Variants in INTS6 observed in about 807,000 individuals in gnomAD.
INTS6 encodes integrator complex subunit 6.
INTS6 carries 16 observed loss-of-function variants against 104.9 expected under a neutral mutation model. The observed-to-expected ratio is 0.15, with a 90% CI of 0.10 to 0.23. The LOEUF (loss-of-function observed/expected upper bound fraction) is 0.23, where lower values mean the gene tolerates loss of function less well. Among genes scored for constraint, INTS6 ranks in the 10% least tolerant of loss-of-function variants. The pLI is 1.00. For synonymous variants in INTS6, 324 were observed against 358.7 expected, an observed-to-expected ratio of 0.90 and a Z score of 1.09; for missense variants, 584 against 1,062.8, an observed-to-expected ratio of 0.55 and a Z score of 6.26.
At chr13:51,433,275 G>A (rs548998817) in intron 3 of INTS6, among the ~76,000 whole-genome samples, 54 of 152,142 alleles carry the variant, frequency 3.5e-4, no homozygotes, top group East Asian at 1.9e-4. Context: ...GAAAAACCTC[G>A]TCTCCATGAA....
the INTS6 span, among the ~76,000 whole-genome samples, chr13:51,342,054 G>A: frequency 6.6e-6 from 1 of 152,076 alleles, no homozygotes; most frequent in Admixed American, 6.5e-5. Flanking sequence ...CTCTGCTTAC[G>A]CTCAGTGCCT....
Position 51,452,587 on chromosome 13 carries a change from G to C in INTS6, c.-62C>G, listed in dbSNP as rs1143539. ...AGAAAGAGGAGATGGTAGAGGTGGA[G>C]GCGCCGGTGGCGGCGACCGCCGCTA... On this transcript the variant is annotated 5_prime_UTR_variant, in exon 1 of 18. Coordinates refer to ENST00000311234, the MANE Select transcript of INTS6 (RefSeq NM_012141.3). This position sits in a 1 kb window ranked among gnomAD's most constrained non-coding sequence, Gnocchi z 4.2. 6 of 1,567,536 alleles carry C rather than the reference G, an allele frequency of 3.8e-6. No individual in the cohort carries two copies. Among genetic ancestry groups the C allele is most frequent in the Non-Finnish European group, 5.2e-6 (6 of 1,153,176 alleles).
chr13:51,380,536 T>C (rs1241208654), intron 10 of INTS6, among the ~76,000 whole-genome samples: 1 of 152,188 alleles, frequency 6.6e-6, no homozygotes. Flanking sequence ...TTTTTTGTCC[T>C]TCTACTTGCC....
chr13:51,378,843 T>C (rs1411921192), intron 11 of INTS6, among the ~76,000 whole-genome samples: 23 of 152,068 alleles, frequency 1.5e-4, no homozygotes, highest in Admixed American at 1.4e-3. Context: ...AGCACATCAA[T>C]ATGGCAAATA....
At chr13:51,410,905 A>T (rs952122685) in intron 4 of INTS6, among the ~76,000 whole-genome samples, 2 of 152,150 alleles carry the variant, frequency 1.3e-5, no homozygotes, top group Admixed American at 6.5e-5. Context: ...GACCAAAGAG[A>T]TACAGATAGA....
At chr13:51,350,239 C>T (rs7338174), downstream of INTS6, among the ~76,000 whole-genome samples, 9,878 of 151,820 alleles carry the variant, frequency 0.065, 462 homozygotes, top group African/African-American at 0.13. Flanking sequence ...AGATTCTGGA[C>T]GAATTATGGT....
At chr13:51,429,826 T>A (rs1481870201) in intron 4 of INTS6, among the ~76,000 whole-genome samples, 1 of 137,380 alleles carries the variant, frequency 7.3e-6, no homozygotes, top group African/African-American at 2.7e-5. Context: ...TACATTTGAC[T>A]TAGAGAAAAC....
rs1490206579 is a variant in INTS6 at position 51,404,097 on chromosome 13, C to G, written c.430-8614G>C. On this transcript the variant is annotated intron_variant, in intron 4 of 17. Transcript: ENST00000311234. Reference sequence around the variant, plus strand: ...ACACACACACACACACACACACACACACACACAGAGAGAGAGAGAGAGAGA... The same window carrying G: ...ACACACACACACACACACACACACAGACACACAGAGAGAGAGAGAGAGAGA... Among the ~76,000 whole-genome samples, 15 of 135,060 alleles carry G rather than the reference C, an allele frequency of 1.1e-4. 1 individual carries two copies. Among genetic ancestry groups the G allele is most frequent in the South Asian group, 2.5e-4 (1 of 4,024 alleles). 88.6% of individuals were successfully genotyped at this position (135,060 alleles called of 152,430 possible). A position where few individuals can be genotyped will look rare whatever the true frequency, so the allele number is the denominator to read the frequency against.
At chr13:51,342,793 T>G in the INTS6 span, among the ~76,000 whole-genome samples, 1 of 152,184 alleles carries the variant, frequency 6.6e-6, no homozygotes, top group Non-Finnish European at 1.5e-5. Context: ...GAATGTGATC[T>G]CAGAAATACA....
Position 51,400,120 on chromosome 13 carries a change from T to C in INTS6, c.430-4637A>G, listed in dbSNP as rs1435457497. Among the ~76,000 whole-genome samples the C allele has an allele frequency of 5.3e-5, 8 of 152,228 alleles. No individual in the cohort carries two copies. The East Asian group carries it at 7.7e-4, about 15-fold the overall frequency. On this transcript the variant is annotated intron_variant, in intron 4 of 17. Transcript: ENST00000311234. ...GGAATCTAGGTTGTGCGCTCCTTAT[T>C]TGAGAATCTAAATAATGCCTGATAA... is the stretch of plus-strand genomic sequence containing the variant.
intron 10 of INTS6, among the ~76,000 whole-genome samples, chr13:51,379,881 T>A (rs1956012436): frequency 6.6e-6 from 1 of 152,062 alleles, no homozygotes; most frequent in Admixed American, 6.5e-5. Context: ...ATTCTAGAGG[T>A]AGCTCTGATA....
chr13:51,387,665 C>T lies in INTS6; in HGVS notation c.740-125G>A, dbSNP rs1231511957. ...TCCTAATATCTTTTTCCAGGTTTTCCTATTTTTCTTAAATGGCAGAACACT... is the reference window on the plus strand; with the variant it reads ...TCCTAATATCTTTTTCCAGGTTTTCTTATTTTTCTTAAATGGCAGAACACT... On this transcript the variant is annotated intron_variant, in intron 6 of 17. Coordinates refer to ENST00000311234, the MANE Select transcript of INTS6 (RefSeq NM_012141.3). 6.8e-6 allele frequency: 5 copies of T among 739,308 alleles called. No individual in the cohort carries two copies. In the African/African-American group the frequency reaches 7.2e-5, roughly 11 times the overall value. 45.8% of individuals were successfully genotyped at this position (739,308 alleles called of 1,614,324 possible).
chr13:51,339,198 G>A, the INTS6 span: 7 of 152,318 alleles, frequency 4.6e-5, no homozygotes, highest in East Asian at 1.3e-3. Flanking sequence ...AAGTCACCCT[G>A]CTCCGAACTG....
intron 4 of INTS6, among the ~76,000 whole-genome samples, chr13:51,401,646 T>C (rs1390943564): frequency 6.6e-6 from 1 of 152,170 alleles, no homozygotes; most frequent in African/African-American, 2.4e-5. Flanking sequence ...AAACCCGTTA[T>C]ATATATTAAT....
chr13:51,450,730 CT>C, intron 3 of INTS6: 1 of 1,035,562 alleles, frequency 9.7e-7, no homozygotes. Context: ...TGGTAGGATG[CT>C]TTTCCTTTTA....
At chr13:51,344,376 T>A in the INTS6 span, 2 of 1,613,082 alleles carry the variant, frequency 1.2e-6, no homozygotes, top group South Asian at 2.2e-5. Flanking sequence ...CCCCCTGCTT[T>A]GTGGAGCACG....
At chr13:51,351,674 G>A (rs954508547), downstream of INTS6, among the ~76,000 whole-genome samples, 6 of 151,898 alleles carry the variant, frequency 4.0e-5, no homozygotes, top group South Asian at 4.1e-4. Context: ...TGTTTCTTGC[G>A]CTTTCGATGC....
chr13:51,345,948 G>A, the INTS6 span, among the ~76,000 whole-genome samples: 1 of 152,150 alleles, frequency 6.6e-6, no homozygotes, highest in African/African-American at 2.4e-5. Flanking sequence ...GAGCTGCTAG[G>A]GTTCTATTTC....
At chr13:51,394,898 T>C (rs1414287275) in intron 5 of INTS6, among the ~76,000 whole-genome samples, 1 of 152,208 alleles carries the variant, frequency 6.6e-6, no homozygotes, top group Non-Finnish European at 1.5e-5. Context: ...TCTATCAATC[T>C]CTTTGCCTCT....
Sources: gnomAD v4.1 joint callset for allele counts (sites outside exome capture counted in the v4.1 genomes callset) on GRCh38, gnomAD v4.1.1 for gene constraint, Gnocchi (gnomAD v3.1) non-coding constraint, MANE v1.5 for transcripts, NCBI Gene and HGNC (gene_info 2026-07-23, HGNC 2026-07-21) for gene names.